The following SGO2 variants were observed in gnomAD, a reference collection of about 807,000 sequenced individuals.
The protein encoded by SGO2 is shugoshin 2.
In SGO2, 68 loss-of-function variants were observed where a neutral mutation model predicts 99.5. The observed-to-expected ratio is 0.68, with a 90% CI of 0.56 to 0.84. SGO2 has a LOEUF of 0.84. Among genes scored for constraint, SGO2 ranks in the 40% least tolerant of loss-of-function variants. The probability of loss-of-function intolerance (pLI) is 0.00; values close to 1 mark genes in which losing one functional copy is unlikely to be tolerated. For missense variants in SGO2, 1,350 were observed against 1,436.7 expected, an observed-to-expected ratio of 0.94 and a Z score of 0.97; for synonymous variants, 457 against 487.1, an observed-to-expected ratio of 0.94 and a Z score of 0.81.
intron 6 of SGO2, 107 bp downstream of exon 6, chr2:200,569,999 T>C: frequency 1.4e-6 from 1 of 712,520 alleles, no homozygotes; most frequent in Non-Finnish European, 2.3e-6. Context: ...AGCTCTCTTA[T>C]GTTACCGATT....
chr2:200,565,845 T>C (rs1199067058), intron 5 of SGO2, among the ~76,000 whole-genome samples: 1 of 152,250 alleles, frequency 6.6e-6, no homozygotes, highest in Non-Finnish European at 1.5e-5. Flanking sequence ...TTTCTTCCAG[T>C]TGATCAAATC....
In SGO2 at chr2:200,535,155, T is replaced by C; in HGVS notation, c.293T>C (p.Leu98Pro). 6.6e-7 allele frequency: 1 copy of C among 1,525,650 alleles called. No homozygotes were observed. The highest frequency in any genetic ancestry group is 1.4e-5 in the African/African-American group (1 of 69,088). 94.5% of individuals were successfully genotyped at this position (1,525,650 alleles called of 1,614,324 possible). A position where few individuals can be genotyped will look rare whatever the true frequency, so the allele number is the denominator to read the frequency against. The change falls in exon 3 of 9, where the codon CTA becomes CCA. Residue 98 changes from leucine (L) to proline (P), a missense_variant. Coordinates refer to ENST00000357799, the MANE Select transcript of SGO2 (RefSeq NM_152524.6). Reference protein sequence around the residue: ...KLNFENTFLRLKLNNLNKKLI... With the variant: ...KLNFENTFLRPKLNNLNKKLI... ...AATTTTGAGAACACATTTCTTCGCCTAAAGCTAAATAACTTGGTATGTAAG... is the reference window on the plus strand; with the variant it reads ...AATTTTGAGAACACATTTCTTCGCCCAAAGCTAAATAACTTGGTATGTAAG...
At chr2:200,545,716 C>A (rs751252237) in intron 5 of SGO2, among the ~76,000 whole-genome samples, 10 of 152,050 alleles carry the variant, frequency 6.6e-5, no homozygotes, top group Admixed American at 5.9e-4. Context: ...CTGCCAGGCC[C>A]GAACTATGTG....
Position 200,571,563 on chromosome 2 carries a change from C to G in SGO2, c.1217C>G (p.Ser406Cys). The change falls in exon 7 of 9, where the codon TCT becomes TGT. Residue 406 changes from serine (S) to cysteine (C), a missense_variant. Ser to Cys is a moderately radical substitution (Grantham distance 112). Coordinates refer to ENST00000357799, the MANE Select transcript of SGO2 (RefSeq NM_152524.6). Reference protein sequence around the residue: ...KTFRKVKDSSSEKKRERSKRQ... With the variant: ...KTFRKVKDSSCEKKRERSKRQ... ...TTCAGAAAAGTGAAAGATTCCAGCT[C>G]TGAAAAAAAGAGAGAAAGATCAAAG... 6.2e-7 allele frequency: 1 copy of G among 1,611,162 alleles called. No individual in the cohort carries two copies. The highest frequency in any genetic ancestry group is 1.1e-5 in the South Asian group (1 of 90,288).
chr2:200,547,761 T>C (rs1051865224), intron 5 of SGO2, among the ~76,000 whole-genome samples: 5 of 151,916 alleles, frequency 3.3e-5, no homozygotes, highest in African/African-American at 1.2e-4. Flanking sequence ...TTCAAGAAAC[T>C]CACTTCACCT....
In SGO2 at chr2:200,570,698, A is replaced by G. The variant is rs141894524; in HGVS notation, c.704-352A>G. Among the ~76,000 whole-genome samples, 1,686 of 151,722 alleles carry G rather than the reference A, an allele frequency of 0.011. 37 individuals are homozygous for G. The highest frequency in any genetic ancestry group is 0.038 in the African/African-American group (1,568 of 41,414). ...TGCCTGTTGATAGTCTTTGATAGCAATCCTTTTCAGAGCTATCACTATTAT... is the reference window on the plus strand; with the variant it reads ...TGCCTGTTGATAGTCTTTGATAGCAGTCCTTTTCAGAGCTATCACTATTAT... On this transcript the variant is annotated intron_variant, in intron 6 of 8. Transcript: ENST00000357799. This position sits in a 1 kb window ranked among gnomAD's most constrained non-coding sequence, Gnocchi z 4.4.
chr2:200,567,691 G>C (rs948675906), intron 5 of SGO2, among the ~76,000 whole-genome samples: 5 of 152,104 alleles, frequency 3.3e-5, no homozygotes, highest in Non-Finnish European at 7.4e-5. Context: ...TATTTCATAT[G>C]AATGGAATCA....
chr2:200,541,912 A>C (rs1310965151), intron 4 of SGO2, among the ~76,000 whole-genome samples: 1 of 151,860 alleles, frequency 6.6e-6, no homozygotes, highest in African/African-American at 2.4e-5. Context: ...TCATTATGCT[A>C]ATACTGTACT....
chr2:200,560,414 G>C (rs2032893180), intron 5 of SGO2, among the ~76,000 whole-genome samples: 1 of 151,752 alleles, frequency 6.6e-6, no homozygotes, highest in Admixed American at 6.6e-5. Flanking sequence ...ATCTTTTTCT[G>C]TTGAAAAGTT....
At chr2:200,564,593 T>C (rs1456035577) in intron 5 of SGO2, among the ~76,000 whole-genome samples, 1 of 152,224 alleles carries the variant, frequency 6.6e-6, no homozygotes, top group Non-Finnish European at 1.5e-5. Flanking sequence ...GGTGCAGAGC[T>C]GAATTCAATT....
chr2:200,535,769 A>G (rs1056705448), intron 3 of SGO2, among the ~76,000 whole-genome samples: 1 of 152,052 alleles, frequency 6.6e-6, no homozygotes, highest in Admixed American at 6.6e-5. Flanking sequence ...ATATATTACT[A>G]TGAGAAGATA....
At chr2:200,552,775 TTTTATCAGCAAGGTC>T (rs2032549676) in intron 5 of SGO2, among the ~76,000 whole-genome samples, 1 of 152,120 alleles carries the variant, frequency 6.6e-6, no homozygotes, top group Admixed American at 6.5e-5. Flanking sequence ...CTGCAGGCTG[TTTTATCAGCAAGGTC>T]TTTGTGACCT....
At chr2:200,559,767 AT>A (rs1449058829) in intron 5 of SGO2, among the ~76,000 whole-genome samples, 1 of 151,694 alleles carries the variant, frequency 6.6e-6, no homozygotes, top group Non-Finnish European at 1.5e-5. Context: ...TTAGTTCAAG[AT>A]TTTTTTTCCT....
chr2:200,560,362 A>G (rs1304133470), intron 5 of SGO2, among the ~76,000 whole-genome samples: 2 of 152,076 alleles, frequency 1.3e-5, no homozygotes, highest in East Asian at 1.9e-4. Flanking sequence ...TTAAAATGCT[A>G]TATAAGTGAA....
At chr2:200,559,533 C>T (rs575593710) in intron 5 of SGO2, among the ~76,000 whole-genome samples, 47 of 152,104 alleles carry the variant, frequency 3.1e-4, no homozygotes, top group African/African-American at 1.1e-3. Context: ...TTCAGCCTCT[C>T]TTTTAAAAAA....
Position 200,535,127 on chromosome 2 carries a change from C to G in SGO2, c.265C>G (p.Leu89Val). 1 of 1,537,100 alleles carries G rather than the reference C, an allele frequency of 6.5e-7. No homozygotes were observed. The highest frequency in any genetic ancestry group is 8.7e-7 in the Non-Finnish European group (1 of 1,153,248). ...GCTATTGCAAAAAGAAGTAGAGAAA[C>G]TGAATTTTGAGAACACATTTCTTCG... Reference protein sequence around the residue: ...KMLLQKEVEKLNFENTFLRLK... With the variant: ...KMLLQKEVEKVNFENTFLRLK... Residue 89 changes from leucine (L) to valine (V), a missense_variant, in exon 3 of 9, where the codon CTG becomes GTG. By Grantham distance (32) the Leu-to-Val change is conservative. Coordinates refer to ENST00000357799, the MANE Select transcript of SGO2 (RefSeq NM_152524.6).
intron 8 of SGO2, among the ~76,000 whole-genome samples, chr2:200,579,556 G>T (rs2033769807): frequency 6.6e-6 from 1 of 152,132 alleles, no homozygotes. Context: ...CCTATTGAGT[G>T]TTTTTATCAT....
At chr2:200,554,115 T>C (rs2347861) in intron 5 of SGO2, among the ~76,000 whole-genome samples, 33,322 of 152,110 alleles carry the variant, frequency 0.22, 3,865 homozygotes, top group Middle Eastern at 0.3. Context: ...CAATTAAGAA[T>C]ATTCACAACT....
At chr2:200,561,829 A>T (rs1156652104) in intron 5 of SGO2, among the ~76,000 whole-genome samples, 2 of 152,050 alleles carry the variant, frequency 1.3e-5, no homozygotes, top group Non-Finnish European at 2.9e-5. Flanking sequence ...GCATTTTTTC[A>T]TGTGTCTGTT....
Sources: gnomAD v4.1 joint callset for allele counts (sites outside exome capture counted in the v4.1 genomes callset) on GRCh38, gnomAD v4.1.1 for gene constraint, Gnocchi (gnomAD v3.1) non-coding constraint, MANE v1.5 for transcripts, NCBI Gene and HGNC (gene_info 2026-07-23, HGNC 2026-07-21) for gene names.